The following BCL7C variants were observed in gnomAD, a reference collection of about 807,000 sequenced individuals.
The protein encoded by BCL7C is BAF chromatin remodeling complex subunit BCL7C.
BCL7C carries 8 observed loss-of-function variants against 26.2 expected under a neutral mutation model. The observed-to-expected ratio is 0.30, with a 90% CI of 0.18 to 0.55. BCL7C has a LOEUF of 0.55. Among genes scored for constraint, BCL7C ranks in the 20% least tolerant of loss-of-function variants. BCL7C has a pLI of 0.93. For synonymous variants in BCL7C, 90 were observed against 116.5 expected, an observed-to-expected ratio of 0.77 and a Z score of 1.47; for missense variants, 262 against 298.5, an observed-to-expected ratio of 0.88 and a Z score of 0.90.
chr16:30,887,794 A>G (rs2055156983), downstream of BCL7C: 1 of 1,512,426 alleles, frequency 6.6e-7, no homozygotes, highest in Non-Finnish European at 8.8e-7. Flanking sequence ...ATGACACAAA[A>G]TTACAAAAGG....
intron 5 of BCL7C, among the ~76,000 whole-genome samples, chr16:30,842,152 A>G (rs1387399712): frequency 6.6e-6 from 1 of 152,098 alleles, no homozygotes; most frequent in African/African-American, 2.4e-5. Flanking sequence ...CTCTAATTCA[A>G]TACGACTGGT....
At position 30,893,953 on chromosome 16, in the gene BCL7C, G is replaced by A. The variant is rs1307177311; in HGVS notation, c.-9C>T. 2.6e-6 allele frequency: 4 copies of A among 1,511,932 alleles called. No homozygotes were observed. Among genetic ancestry groups the A allele is most frequent in the South Asian group, 1.2e-5 (1 of 84,864 alleles). 93.7% of individuals were successfully genotyped at this position (1,511,932 alleles called of 1,614,324 possible). A position where few individuals can be genotyped will look rare whatever the true frequency, so the allele number is the denominator to read the frequency against. On this transcript the variant is annotated 5_prime_UTR_variant, in exon 1 of 6. Transcript: ENST00000215115. The surrounding 1 kb of genome is among the most constrained non-coding windows in gnomAD (Gnocchi z 5.2). ...ACAGTCCGGCCGGCCATGCTGGCGG[G>A]GCTGGGGCCGGGGCCGAGCCCGCGG...
chr16:30,844,520 T>C (rs904785834), intron 5 of BCL7C, among the ~76,000 whole-genome samples: 1 of 152,198 alleles, frequency 6.6e-6, no homozygotes. Flanking sequence ...CCATCTGACT[T>C]CTGCACAGGC....
intron 5 of BCL7C, among the ~76,000 whole-genome samples, chr16:30,856,721 T>C (rs1567311741): frequency 6.6e-6 from 1 of 152,160 alleles, no homozygotes; most frequent in African/African-American, 2.4e-5. Flanking sequence ...TGTGTGTGTC[T>C]CAGTGTTCCA....
chr16:30,880,643 T>G (rs2055029259), intron 5 of BCL7C, among the ~76,000 whole-genome samples: 1 of 152,094 alleles, frequency 6.6e-6, no homozygotes, highest in Non-Finnish European at 1.5e-5. Context: ...TGATGTTTTG[T>G]ATTTGAGAAC....
intron 5 of BCL7C, among the ~76,000 whole-genome samples, chr16:30,836,802 T>G (rs1270338856): frequency 1.3e-5 from 2 of 151,482 alleles, no homozygotes; most frequent in Non-Finnish European, 2.9e-5. Flanking sequence ...TATTTTTTTT[T>G]TTGTTTTTTG....
intron 5 of BCL7C, among the ~76,000 whole-genome samples, chr16:30,869,495 A>G (rs916331843): frequency 5.8e-5 from 8 of 137,080 alleles, no homozygotes; most frequent in African/African-American, 2.2e-4. Context: ...GTGAGCCACC[A>G]CGCCTGGCTC....
intron 5 of BCL7C, among the ~76,000 whole-genome samples, chr16:30,858,947 C>A (rs564333868): frequency 1.3e-5 from 2 of 152,092 alleles, no homozygotes; most frequent in Non-Finnish European, 2.9e-5. Context: ...TATAAGGGAA[C>A]GAGAATCCTC....
rs751832217 is a variant in BCL7C at position 30,893,968 on chromosome 16, C to G, written c.-24G>C. ...ATGCTGGCGGGGCTGGGGCCGGGGC[C>G]GAGCCCGCGGCGGGGCCGCCTCCCG... On this transcript the variant is annotated 5_prime_UTR_variant, in exon 1 of 6. Coordinates refer to ENST00000215115, the MANE Select transcript of BCL7C (RefSeq NM_004765.4). The surrounding 1 kb of genome is among the most constrained non-coding windows in gnomAD (Gnocchi z 5.2). 1.5e-6 allele frequency: 2 copies of G among 1,304,580 alleles called. No homozygotes were observed. The highest frequency in any genetic ancestry group is 6.2e-5 in the East Asian group (2 of 32,220). 80.8% of individuals were successfully genotyped at this position (1,304,580 alleles called of 1,614,324 possible).
intron 5 of BCL7C, among the ~76,000 whole-genome samples, chr16:30,865,875 C>T (rs904431031): frequency 6.3e-5 from 9 of 142,186 alleles, no homozygotes; most frequent in Non-Finnish European, 1.5e-5. Context: ...TACAGGCGCC[C>T]GCCACAGTGC....
intron 5 of BCL7C, among the ~76,000 whole-genome samples, chr16:30,869,701 TG>T (rs2054866634): frequency 6.6e-6 from 1 of 151,646 alleles, no homozygotes; most frequent in Admixed American, 6.6e-5. Context: ...TTTGTAGAGA[TG>T]GGGTCTCGCT....
intron 5 of BCL7C, among the ~76,000 whole-genome samples, chr16:30,857,511 C>A (rs1233232388): frequency 6.6e-6 from 1 of 152,096 alleles, no homozygotes; most frequent in African/African-American, 2.4e-5. Flanking sequence ...CTGTTCTGCC[C>A]CTCTAATGGC....
intron 5 of BCL7C, among the ~76,000 whole-genome samples, chr16:30,847,694 G>A (rs1030254216): frequency 2.0e-5 from 3 of 152,038 alleles, no homozygotes; most frequent in African/African-American, 4.8e-5. Context: ...TACTCAGGAG[G>A]CTGAGGCAGG....
intron 5 of BCL7C, among the ~76,000 whole-genome samples, chr16:30,836,181 G>A (rs1348474112): frequency 6.6e-6 from 1 of 152,052 alleles, no homozygotes; most frequent in Non-Finnish European, 1.5e-5. Context: ...TTGAGCCTGG[G>A]AGGCAGAAGT....
At chr16:30,848,755 G>A (rs576610068) in intron 5 of BCL7C, among the ~76,000 whole-genome samples, 12 of 152,026 alleles carry the variant, frequency 7.9e-5, no homozygotes, top group Non-Finnish European at 1.6e-4. Context: ...CTAGCTGAGT[G>A]TGGTGGCACA....
Position 30,893,781 on chromosome 16 carries a change from G to T in BCL7C, c.92+72C>A. ...CGAACACCCGGGGCCCAGAGCTGGC[G>T]AGGGCAGCGTAGACGCCTTTGGTGC... is the stretch of plus-strand genomic sequence containing the variant. On this transcript the variant is annotated intron_variant, in intron 1 of 5. Transcript: ENST00000215115. The surrounding 1 kb of genome is among the most constrained non-coding windows in gnomAD (Gnocchi z 5.2). 7.2e-7 allele frequency: 1 copy of T among 1,397,480 alleles called. No individual in the cohort carries two copies. Among genetic ancestry groups the T allele is most frequent in the South Asian group, 1.2e-5 (1 of 86,204 alleles). The allele number at this position is 1,397,480 out of a possible 1,614,324, so 86.6% of individuals were successfully genotyped here.
intron 5 of BCL7C, 95 bp downstream of exon 5, chr16:30,888,765 C>T (rs577490311): frequency 1.2e-5 from 14 of 1,195,818 alleles, no homozygotes; most frequent in Non-Finnish European, 1.7e-5. Flanking sequence ...TCTGCCTCTC[C>T]TCCAGGCCCT....
chr16:30,877,502 C>A (rs1246081696), intron 5 of BCL7C, among the ~76,000 whole-genome samples: 1 of 149,658 alleles, frequency 6.7e-6, no homozygotes, highest in African/African-American at 2.5e-5. Flanking sequence ...TGCAGTGGCA[C>A]TATCTCGGCT....
intron 5 of BCL7C, among the ~76,000 whole-genome samples, chr16:30,856,706 C>T (rs1412654708): frequency 6.6e-6 from 1 of 152,168 alleles, no homozygotes; most frequent in African/African-American, 2.4e-5. Context: ...TTCCGAGGGG[C>T]TCTATGTGTG....
Sources: allele counts gnomAD v4.1 joint callset (sites outside exome capture counted in the v4.1 genomes callset), GRCh38; gene constraint gnomAD v4.1.1; non-coding constraint Gnocchi (gnomAD v3.1); transcripts MANE v1.5; gene names NCBI Gene and HGNC (gene_info 2026-07-23, HGNC 2026-07-21).